Variants in TSC1 observed in about 807,000 individuals in gnomAD.
TSC1 encodes TSC complex subunit 1.
A neutral mutation model predicts 124.3 loss-of-function variants in TSC1; 20 were observed. That is an observed-to-expected ratio of 0.16 (90% CI 0.11 to 0.23). The LOEUF (loss-of-function observed/expected upper bound fraction) is 0.23, where lower values mean the gene tolerates loss of function less well. Ranked by LOEUF, TSC1 falls within the 10% of genes least tolerant of loss-of-function variation. The probability of loss-of-function intolerance (pLI) is 1.00; values close to 1 mark genes in which losing one functional copy is unlikely to be tolerated. For synonymous variants in TSC1, 493 were observed against 539.1 expected (o/e 0.91, Z 1.19); for missense variants, 1,124 against 1,448.5 (o/e 0.78, Z 3.64).
intron 9 of TSC1, among the ~76,000 whole-genome samples, chr9:132,911,956 C>T (rs1845989806): frequency 6.6e-6 from 1 of 152,194 alleles, no homozygotes; most frequent in Non-Finnish European, 1.5e-5. Flanking sequence ...AAGAGCCTCA[C>T]TCTAAATGTC....
intron 8 of TSC1, among the ~76,000 whole-genome samples, chr9:132,914,179 C>G (rs557281481): frequency 5.3e-5 from 8 of 151,932 alleles, no homozygotes; most frequent in Non-Finnish European, 1.0e-4. Context: ...GGATTACAGG[C>G]GTGAGCCACT....
At position 132,923,668 on chromosome 9, in the gene TSC1, A is replaced by G; in HGVS notation, c.364-176T>C. ...AAGGGATAACATTCAAACAGACTCA[A>G]CAGAACACTGAGCCCCAACTCTACT... On this transcript the variant is annotated intron_variant, in intron 5 of 22. Transcript: ENST00000298552. This position sits in a 1 kb window ranked among gnomAD's most constrained non-coding sequence, Gnocchi z 4.2. 1.2e-6 allele frequency: 1 copy of G among 854,704 alleles called. No homozygotes were observed. The highest frequency in any genetic ancestry group is 2.1e-5 in the Admixed American group (1 of 46,878). 52.9% of individuals were successfully genotyped at this position (854,704 alleles called of 1,614,324 possible).
intron 20 of TSC1, among the ~76,000 whole-genome samples, chr9:132,898,826 A>G (rs967581784): frequency 6.6e-6 from 1 of 152,194 alleles, no homozygotes; most frequent in Non-Finnish European, 1.5e-5. Flanking sequence ...GCAAATCCTG[A>G]CTGGGTTGAG....
At chr9:132,910,537 T>C in intron 12 of TSC1, 34 bp downstream of exon 12, 1 of 1,613,874 alleles carries the variant, frequency 6.2e-7, no homozygotes, top group Non-Finnish European at 8.5e-7. Context: ...TCACTGTGCC[T>C]GGGCAGAGGG....
chr9:132,934,148 G>C (rs1319602734), intron 2 of TSC1, among the ~76,000 whole-genome samples: 2 of 152,152 alleles, frequency 1.3e-5, no homozygotes, highest in Non-Finnish European at 2.9e-5. Flanking sequence ...CAACCACTGA[G>C]CCTCGGCATG....
intron 8 of TSC1, 137 bp from the exon 9 acceptor site, chr9:132,912,594 A>G (rs1846030807): frequency 1.1e-6 from 1 of 901,858 alleles, no homozygotes. Context: ...AGTCTGAAAC[A>G]ATTCTAGTAC....
rs935568713 is a variant in TSC1, at chr9:132,893,375, A to T, written c.*2860T>A. 3 of 233,090 alleles carry T rather than the reference A, an allele frequency of 1.3e-5. No homozygotes were observed. Among genetic ancestry groups the T allele is most frequent in the African/African-American group, 6.6e-5 (3 of 45,316 alleles). The allele number at this position is 233,090 out of a possible 1,614,324, so 14.4% of individuals were successfully genotyped here. A position where few individuals can be genotyped will look rare whatever the true frequency, so the allele number is the denominator to read the frequency against. On this transcript the variant is annotated 3_prime_UTR_variant, in exon 23 of 23. Coordinates refer to ENST00000298552, the MANE Select transcript of TSC1 (RefSeq NM_000368.5). ...CTATTCATGACCACGTGTTTCTTCCAATCCCATAATAACAATTTTTATAGA... is the reference window on the plus strand; with the variant it reads ...CTATTCATGACCACGTGTTTCTTCCTATCCCATAATAACAATTTTTATAGA...
chr9:132,938,411 G>T (rs1013287345), intron 1 of TSC1, among the ~76,000 whole-genome samples: 1 of 152,192 alleles, frequency 6.6e-6, no homozygotes, highest in Non-Finnish European at 1.5e-5. Context: ...TGACCCAAAA[G>T]TTGTGTTCTC....
chr9:132,913,891 G>GTTTTTTTTTTTTTTTTTT (rs775823272), intron 8 of TSC1, among the ~76,000 whole-genome samples: 2 of 58,374 alleles, frequency 3.4e-5, no homozygotes, highest in African/African-American at 6.7e-5. Flanking sequence ...GTTTTGTTTT[G>GTTTTTTTTTTTTTTTTTT]TTTTTTTTTT....
chr9:132,940,436 G>A (rs542490273), intron 1 of TSC1, among the ~76,000 whole-genome samples: 14 of 152,236 alleles, frequency 9.2e-5, no homozygotes, highest in Middle Eastern at 3.4e-3. Flanking sequence ...GCTTCCCACA[G>A]ATTTTCAGAG....
At chr9:132,914,423 G>A (rs1846153667) in intron 8 of TSC1, among the ~76,000 whole-genome samples, 1 of 152,154 alleles carries the variant, frequency 6.6e-6, no homozygotes. Context: ...ATCGATGGTT[G>A]CCAGAAGTGG....
rs200827913 is a variant in TSC1, at chr9:132,903,793, C to T, written c.2066G>A (p.Arg689His). 8.7e-6 allele frequency: 14 copies of T among 1,613,766 alleles called. No individual in the cohort carries two copies. Among genetic ancestry groups the T allele is most frequent in the African/African-American group, 6.7e-5 (5 of 74,898 alleles). The change falls in exon 17 of 23, where the codon CGC becomes CAC. Residue 689 changes from arginine (R) to histidine (H), a missense_variant. Arg to His is a conservative substitution (Grantham distance 29). Around this residue, in one of 5 missense-constraint regions of TSC1, gnomAD observed 321 missense variants for 397.4 expected, o/e 0.81. Transcript: ENST00000298552. The surrounding 1 kb of genome is among the most constrained non-coding windows in gnomAD (Gnocchi z 5.9). ...FGGSPPSDEI[R>H]TLRDQLLLLH... is the part of the protein sequence containing the mutation. ...TAAAAGCAACTGGTCTCGGAGGGTGCGGATCTCATCTGAAGGAGGAGAGCC... is the reference window on the plus strand; with the variant it reads ...TAAAAGCAACTGGTCTCGGAGGGTGTGGATCTCATCTGAAGGAGGAGAGCC...
intron 1 of TSC1, among the ~76,000 whole-genome samples, chr9:132,935,610 C>T (rs1046067755): frequency 6.6e-6 from 1 of 152,226 alleles, no homozygotes; most frequent in African/African-American, 2.4e-5. Context: ...CCATGTGAGG[C>T]AGGTCCAGGA....
At position 132,903,511 on chromosome 9, in the gene TSC1, C is replaced by G. The variant is rs1845487369; in HGVS notation, c.2208+140G>C. On this transcript the variant is annotated intron_variant, in intron 17 of 22. Transcript: ENST00000298552. The surrounding 1 kb of genome is among the most constrained non-coding windows in gnomAD (Gnocchi z 5.9). ...AATTCCGAGGTGTCACCATTCATGT[C>G]TTAATCTCAAGCGACCTGCCCAAAG... 10 of 1,204,576 alleles carry G rather than the reference C, an allele frequency of 8.3e-6. No individual in the cohort carries two copies. Among genetic ancestry groups the G allele is most frequent in the Non-Finnish European group, 1.2e-5 (10 of 827,386 alleles). The allele number at this position is 1,204,576 out of a possible 1,614,324, so 74.6% of individuals were successfully genotyped here. A position where few individuals can be genotyped will look rare whatever the true frequency, so the allele number is the denominator to read the frequency against.
At chr9:132,916,791 C>T (rs957363478) in intron 8 of TSC1, among the ~76,000 whole-genome samples, 3 of 152,206 alleles carry the variant, frequency 2.0e-5, no homozygotes, top group Non-Finnish European at 4.4e-5. Context: ...AGCACTCTCT[C>T]CCTGGCTTCA....
intron 1 of TSC1, 97 bp downstream of exon 1, chr9:132,944,446 G>A: frequency 2.5e-6 from 1 of 397,180 alleles, no homozygotes; most frequent in Non-Finnish European, 4.4e-6. Context: ...TGAGTCTCTT[G>A]CTCCAGCCCC....
intron 1 of TSC1, among the ~76,000 whole-genome samples, chr9:132,938,377 C>T (rs1439268456): frequency 2.0e-5 from 3 of 152,194 alleles, no homozygotes; most frequent in Non-Finnish European, 4.4e-5. Context: ...GCCTCCAGAT[C>T]TAGACTTTTT....
At chr9:132,938,930 C>T (rs1243717391) in intron 1 of TSC1, 1 of 152,094 alleles carries the variant, frequency 6.6e-6, no homozygotes, top group Non-Finnish European at 1.5e-5. Context: ...TATCAATTTG[C>T]CTAAGATAAT....
rs753374839 is a variant in TSC1 at position 132,896,607 on chromosome 9, G to C, written c.3123C>G (p.Ser1041Arg). The change falls in exon 23 of 23, where the codon AGC becomes AGG. Residue 1041 changes from serine (S) to arginine (R), a missense_variant. By Grantham distance (110) the Ser-to-Arg change is moderately radical. Coordinates refer to ENST00000298552, the MANE Select transcript of TSC1 (RefSeq NM_000368.5). This position sits in a 1 kb window ranked among gnomAD's most constrained non-coding sequence, Gnocchi z 4.5. Reference protein sequence around the residue: ...GSRGGGGSSSSSSELSTPEKP... With the variant: ...GSRGGGGSSSRSSELSTPEKP... Reference sequence around the variant, plus strand: ...TCTCTGGGGTAGAAAGCTCGCTGCTGCTGCTGCTGCTGCCTCCACCACCTC... The same window carrying C: ...TCTCTGGGGTAGAAAGCTCGCTGCTCCTGCTGCTGCTGCCTCCACCACCTC... The C allele has an allele frequency of 1.3e-4, 216 of 1,613,538 alleles. No homozygotes were observed. Among genetic ancestry groups the C allele is most frequent in the Non-Finnish European group, 1.7e-4 (201 of 1,179,742 alleles).
Sources: gnomAD v4.1 joint callset for allele counts (sites outside exome capture counted in the v4.1 genomes callset) on GRCh38, gnomAD v4.1.1 for gene constraint, gnomAD v4.1.1 regional missense constraint, Gnocchi (gnomAD v3.1) non-coding constraint, MANE v1.5 for transcripts, NCBI Gene and HGNC (gene_info 2026-07-23, HGNC 2026-07-21) for gene names.